Variants in SNX19 observed in about 807,000 individuals in gnomAD.
The protein encoded by SNX19 is sorting nexin-19.
In SNX19, 60 loss-of-function variants were observed where a neutral mutation model predicts 85.2. The observed-to-expected ratio is 0.70, with a 90% CI of 0.57 to 0.87. The LOEUF (loss-of-function observed/expected upper bound fraction) is 0.87. Ranked by LOEUF, SNX19 falls within the 40% of genes least tolerant of loss-of-function variation. The pLI is 0.00. For missense variants in SNX19, 1,201 were observed against 1,217.8 expected, an observed-to-expected ratio of 0.99 and a Z score of 0.21; for synonymous variants, 520 against 470.0, an observed-to-expected ratio of 1.11 and a Z score of -1.38.
Position 130,867,647 on chromosome 11 carries a change from C to T in SNX19, c.*10775G>A, listed in dbSNP as rs1942823618. Reference sequence around the variant, plus strand: ...CCTTTCTTCCTTCCTTAAATTGAGACCCAAATGAGGTGGAAGAAAATCTCT... The same window carrying T: ...CCTTTCTTCCTTCCTTAAATTGAGATCCAAATGAGGTGGAAGAAAATCTCT... On this transcript the variant is annotated 3_prime_UTR_variant, in exon 11 of 11. Coordinates refer to ENST00000265909, the MANE Select transcript of SNX19 (RefSeq NM_014758.3). 6.6e-6 allele frequency: 1 copy of T among 152,154 alleles called. No individual in the cohort carries two copies. Among genetic ancestry groups the T allele is most frequent in the African/African-American group, 2.4e-5 (1 of 41,426 alleles). The allele number at this position is 152,154 out of a possible 1,614,324, so 9.4% of individuals were successfully genotyped here.
rs202178488 is a variant in SNX19 at position 130,915,689 on chromosome 11, G to C, written c.251C>G (p.Pro84Arg). Residue 84 changes from proline to arginine, a missense_variant, in exon 1 of 11, where the codon CCG becomes CGG. By Grantham distance (103) the Pro-to-Arg change is moderately radical. Around this residue, in one of 3 missense-constraint regions of SNX19, gnomAD observed 791 missense variants for 750.9 expected, o/e 1.05. Transcript: ENST00000265909. The stretch of plus-strand genomic sequence containing the variant: ...AGGGCATGGAGGACAGGTGGCCAAC[G>C]GGATGAAGCGTTCCAGATGCAGTCG... ...SGRLHLERFI[P>R]LATCPPCPEA... 1 of 1,614,122 alleles carries C rather than the reference G, an allele frequency of 6.2e-7. No individual in the cohort carries two copies. Among genetic ancestry groups the C allele is most frequent in the Non-Finnish European group, 8.5e-7 (1 of 1,180,058 alleles).
chr11:130,905,921 T>A, intron 7 of SNX19, 32 bp downstream of exon 7: 1 of 1,614,102 alleles, frequency 6.2e-7, no homozygotes, highest in African/African-American at 1.3e-5. Context: ...CCTGGCTCCC[T>A]TCTCCATGGG....
At position 130,874,008 on chromosome 11, in the gene SNX19, A is replaced by G. The variant is rs1257906016; in HGVS notation, c.*4414T>C. On this transcript the variant is annotated 3_prime_UTR_variant, in exon 11 of 11. Transcript: ENST00000265909. ...ATGAGGTGGGTGGTTCTAGCCAATG[A>G]GTCATAAGAGGTTTTTTGTTTTTTT... is the stretch of plus-strand genomic sequence containing the variant. Among the ~76,000 whole-genome samples the G allele has an allele frequency of 6.7e-6, 1 of 149,494 alleles. No individual in the cohort carries two copies. Among genetic ancestry groups the G allele is most frequent in the East Asian group, 2.0e-4 (1 of 5,034 alleles).
At chr11:130,896,894 T>A (rs1311054875) in intron 8 of SNX19, among the ~76,000 whole-genome samples, 1 of 151,646 alleles carries the variant, frequency 6.6e-6, no homozygotes, top group Non-Finnish European at 1.5e-5. Flanking sequence ...CACCTGCTAG[T>A]TAGACATGCC....
At chr11:130,911,521 A>G in intron 2 of SNX19, 112 bp downstream of exon 2, 4 of 1,550,714 alleles carry the variant, frequency 2.6e-6, no homozygotes, top group Non-Finnish European at 2.6e-6. Context: ...CAGGGAGCAG[A>G]GAACCTTGAA....
intron 8 of SNX19, among the ~76,000 whole-genome samples, chr11:130,885,740 T>C (rs1944012829): frequency 6.6e-6 from 1 of 151,734 alleles, no homozygotes; most frequent in African/African-American, 2.4e-5. Flanking sequence ...TGTACCTCTA[T>C]AGACAATCCA....
chr11:130,906,022 TG>T lies in SNX19; in HGVS notation c.2373del (p.Gly793AspfsTer28), dbSNP rs1438348254. On this transcript the variant is annotated frameshift_variant, in exon 7 of 11. Transcript: ENST00000265909. LOFTEE classifies it high-confidence loss of function. Reference sequence around the variant, plus strand: ...GACACGCAACTGTCCACACGTCCTTTGGGAGGTTGTTCAGGATCTTTTTCTG... The same window carrying T: ...GACACGCAACTGTCCACACGTCCTTTGGAGGTTGTTCAGGATCTTTTTCTG... ...KAPEKDPEQP[P>X]KGRVDSCVSD... 1 of 1,614,204 alleles carries T rather than the reference TG, an allele frequency of 6.2e-7. No homozygotes were observed. Among genetic ancestry groups the T allele is most frequent in the Non-Finnish European group, 8.5e-7 (1 of 1,180,028 alleles).
chr11:130,879,361 C>A (rs11222373), intron 10 of SNX19, among the ~76,000 whole-genome samples: 14,537 of 152,150 alleles, frequency 0.096, 1,225 homozygotes, highest in African/African-American at 0.22. Flanking sequence ...TGGGGGCCTG[C>A]ATAGAGTTCT....
chr11:130,916,084 TA>T lies in SNX19; in HGVS notation c.-146del. The T allele has an allele frequency of 2.9e-6, 2 of 685,338 alleles. No individual in the cohort carries two copies. Among genetic ancestry groups the T allele is most frequent in the Non-Finnish European group, 4.9e-6 (2 of 409,866 alleles). The allele number at this position is 685,338 out of a possible 1,614,324, so 42.5% of individuals were successfully genotyped here. ...CCGGGGCTCCAGGCCCTCAAAGTCC[TA>T]CAGGCACTGCAAAGCGACAGCTGCA... On this transcript the variant is annotated 5_prime_UTR_variant, in exon 1 of 11. An upstream open reading frame in the 5' UTR loses its in-frame stop. Transcript: ENST00000265909.
At chr11:130,891,990 G>A (rs1257286949) in intron 8 of SNX19, among the ~76,000 whole-genome samples, 2 of 151,592 alleles carry the variant, frequency 1.3e-5, no homozygotes, top group African/African-American at 2.4e-5. Context: ...AAGGGCATGC[G>A]CCACGATGCC....
At chr11:130,891,337 T>C (rs115604488) in intron 8 of SNX19, among the ~76,000 whole-genome samples, 1,951 of 149,610 alleles carry the variant, frequency 0.013, 42 homozygotes, top group African/African-American at 0.045. Context: ...ATCCATGAAA[T>C]GGGCATTCAC....
In SNX19 at chr11:130,914,625, A is replaced by C. The variant is rs1023036951; in HGVS notation, c.1315T>G (p.Ser439Ala). 2 of 1,613,908 alleles carry C rather than the reference A, an allele frequency of 1.2e-6. No individual in the cohort carries two copies. The highest frequency in any genetic ancestry group is 1.1e-5 in the South Asian group (1 of 91,072). Reference sequence around the variant, plus strand: ...ATCTCTGGGCAGGAATTCAGTGTGGAGACCGGCAGGCCTGTCTCTGTTTCT... The same window carrying C: ...ATCTCTGGGCAGGAATTCAGTGTGGCGACCGGCAGGCCTGTCTCTGTTTCT... ...GTETETGLPV[S>A]TLNSCPEIHI... Residue 439 changes from serine to alanine, a missense_variant, in exon 1 of 11, where the codon TCC becomes GCC. Ser to Ala is a moderately conservative substitution (Grantham distance 99, BLOSUM62 1). Transcript: ENST00000265909.
At chr11:130,882,824 TGAG>T (rs1215707475) in intron 8 of SNX19, among the ~76,000 whole-genome samples, 1 of 152,186 alleles carries the variant, frequency 6.6e-6, no homozygotes, top group Non-Finnish European at 1.5e-5. Flanking sequence ...CAATTTTTGC[TGAG>T]GAGAATGATG....
intron 4 of SNX19, among the ~76,000 whole-genome samples, chr11:130,909,198 G>A (rs1945897786): frequency 6.6e-6 from 1 of 152,232 alleles, no homozygotes; most frequent in Non-Finnish European, 1.5e-5. Context: ...GTAAGTAGAT[G>A]TGGAAATAAT....
In SNX19 at chr11:130,867,853, A is replaced by C. The variant is rs1039121687; in HGVS notation, c.*10569T>G. The stretch of plus-strand genomic sequence containing the variant: ...GAAACTGAGGTCCAGGGAAGTGAAG[A>C]GATCGGTCCAAGATCACTGGAACCC... On this transcript the variant is annotated 3_prime_UTR_variant, in exon 11 of 11. Transcript: ENST00000265909. The C allele has an allele frequency of 6.6e-6, 1 of 152,178 alleles. No homozygotes were observed. The highest frequency in any genetic ancestry group is 2.4e-5 in the African/African-American group (1 of 41,434). The allele number at this position is 152,178 out of a possible 1,614,324, so 9.4% of individuals were successfully genotyped here.
rs960188386 is a variant in SNX19 at position 130,866,384 on chromosome 11, C to G, written c.*12038G>C. ...CATTTGTATTCAGAGAATTCTAAGA[C>G]AAATGGTCAAATATTCAAATGGCCT... On this transcript the variant is annotated 3_prime_UTR_variant, in exon 11 of 11. Coordinates refer to ENST00000265909, the MANE Select transcript of SNX19 (RefSeq NM_014758.3). 3 of 152,098 alleles carry G rather than the reference C, an allele frequency of 2.0e-5. No homozygotes were observed. Among genetic ancestry groups the G allele is most frequent in the African/African-American group, 7.2e-5 (3 of 41,416 alleles). The allele number at this position is 152,098 out of a possible 1,614,324, so 9.4% of individuals were successfully genotyped here.
chr11:130,881,122 TC>T (rs1349355406), intron 8 of SNX19: 1 of 225,768 alleles, frequency 4.4e-6, no homozygotes, highest in Non-Finnish European at 8.5e-6. Context: ...ATCTTGAACC[TC>T]CCGGCCTTTA....
chr11:130,898,152 GT>G (rs35343079), intron 8 of SNX19, among the ~76,000 whole-genome samples: 23 of 148,268 alleles, frequency 1.6e-4, no homozygotes, highest in African/African-American at 2.0e-4. Flanking sequence ...AACTTACTCT[GT>G]TTTTTTTTTT....
At chr11:130,888,470 GT>G (rs1439225121) in intron 8 of SNX19, among the ~76,000 whole-genome samples, 1 of 152,104 alleles carries the variant, frequency 6.6e-6, no homozygotes, top group Non-Finnish European at 1.5e-5. Context: ...ATTCCATTCT[GT>G]CCATATGGAT....
Sources: allele counts gnomAD v4.1 joint callset (sites outside exome capture counted in the v4.1 genomes callset), GRCh38; gene constraint gnomAD v4.1.1; regional missense constraint gnomAD v4.1.1; transcripts MANE v1.5; gene names NCBI Gene and HGNC (gene_info 2026-07-23, HGNC 2026-07-21).